Variants in ITGA4 observed in about 807,000 individuals in gnomAD.
The protein encoded by ITGA4 is integrin subunit alpha 4, also known as integrin alpha-4.
A neutral mutation model predicts 133.6 loss-of-function variants in ITGA4; 63 were observed. That is an observed-to-expected ratio of 0.47 (90% CI 0.38 to 0.58). The LOEUF (loss-of-function observed/expected upper bound fraction) is 0.58, where lower values mean the gene tolerates loss of function less well. ITGA4 is among the 20% of genes least tolerant of loss of function. ITGA4 has a pLI of 0.00. For synonymous variants in ITGA4, 483 were observed against 438.0 expected (o/e 1.10, Z -1.28); for missense variants, 1,076 against 1,252.7 (o/e 0.86, Z 2.13).
Position 181,495,565 on chromosome 2 carries a change from C to A in ITGA4, c.1385+149C>A. 1 of 729,696 alleles carries A rather than the reference C, an allele frequency of 1.4e-6. No individual in the cohort carries two copies. Among genetic ancestry groups the A allele is most frequent in the Non-Finnish European group, 2.3e-6 (1 of 433,944 alleles). 45.2% of individuals were successfully genotyped at this position (729,696 alleles called of 1,614,324 possible). ...TTATTGATTTTTAGGGTATTTTTTT[C>A]ACCTTACAGAGATATAATTAAATCA... On this transcript the variant is annotated intron_variant, in intron 13 of 27. Coordinates refer to ENST00000397033, the MANE Select transcript of ITGA4 (RefSeq NM_000885.6). This position sits in a 1 kb window ranked among gnomAD's most constrained non-coding sequence, Gnocchi z 4.3.
chr2:181,529,221 TATGTA>T (rs1686891476), intron 22 of ITGA4, among the ~76,000 whole-genome samples: 1 of 149,660 alleles, frequency 6.7e-6, no homozygotes, highest in Non-Finnish European at 1.5e-5. Flanking sequence ...ATTTTTAAAA[TATGTA>T]ATGTAACATA....
In ITGA4 at chr2:181,530,569, G is replaced by T. The variant is rs759860360; in HGVS notation, c.2584G>T (p.Ala862Ser). ...CHFENYQRVC[A>S]LEQQKSAMQT... is the part of the protein sequence containing the mutation. Reference sequence around the variant, plus strand: ...CTTTGAAAATTATCAAAGAGTGTGTGCATTAGAGCAGCAAAAGAGTGCAAT... The same window carrying T: ...CTTTGAAAATTATCAAAGAGTGTGTTCATTAGAGCAGCAAAAGAGTGCAAT... The change falls in exon 24 of 28, where the codon GCA becomes TCA. Residue 862 changes from alanine (A) to serine (S), a missense_variant. By Grantham distance (99) the Ala-to-Ser change is moderately conservative. This residue lies in a region of ITGA4 where 365 missense variants were observed against 421.4 expected (regional missense o/e 0.87). Coordinates refer to ENST00000397033, the MANE Select transcript of ITGA4 (RefSeq NM_000885.6). 1 of 1,612,872 alleles carries T rather than the reference G, an allele frequency of 6.2e-7. No individual in the cohort carries two copies. The highest frequency in any genetic ancestry group is 1.3e-5 in the African/African-American group (1 of 74,876).
intron 15 of ITGA4, among the ~76,000 whole-genome samples, chr2:181,505,312 T>C (rs549328162): frequency 2.6e-5 from 4 of 152,148 alleles, no homozygotes; most frequent in African/African-American, 9.6e-5. Context: ...ATCTTATAAA[T>C]TTTTTTGCCC....
intron 23 of ITGA4, among the ~76,000 whole-genome samples, chr2:181,530,015 G>A (rs1452190614): frequency 1.3e-5 from 2 of 152,160 alleles, no homozygotes; most frequent in Non-Finnish European, 2.9e-5. Flanking sequence ...GAGGATTATA[G>A]CCTTTTTTTA....
Position 181,534,858 on chromosome 2 carries a change from T to C in ITGA4, c.2926T>C (p.Phe976Leu). Residue 976 changes from phenylalanine to leucine, a missense_variant, in exon 27 of 28, where the codon TTC becomes CTC. Phe to Leu is a conservative substitution (Grantham distance 22, BLOSUM62 0). Coordinates refer to ENST00000397033, the MANE Select transcript of ITGA4 (RefSeq NM_000885.6). ...ACATCATCAAAGACCCAAACGTTAT[T>C]TCACCATAGTGATTATTTCAAGTAG... ...GLHHQRPKRY[F>L]TIVIISSSLL... is the part of the protein sequence containing the mutation. 6.2e-7 allele frequency: 1 copy of C among 1,602,660 alleles called. No individual in the cohort carries two copies. Among genetic ancestry groups the C allele is most frequent in the Non-Finnish European group, 8.5e-7 (1 of 1,176,286 alleles).
intron 2 of ITGA4, among the ~76,000 whole-genome samples, chr2:181,465,392 C>T (rs1324889126): frequency 6.6e-6 from 1 of 152,094 alleles, no homozygotes; most frequent in African/African-American, 2.4e-5. Flanking sequence ...TCCTGACCTC[C>T]TTTAATTCTT....
intron 1 of ITGA4, 131 bp downstream of exon 1, chr2:181,457,982 C>T: frequency 1.8e-6 from 2 of 1,140,546 alleles, no homozygotes; most frequent in Non-Finnish European, 2.4e-6. Context: ...CGAGAGCCAG[C>T]TCGCTGGAAA....
At chr2:181,530,492 G>T in intron 23 of ITGA4, 32 bp from the exon 24 acceptor site, 1 of 1,588,784 alleles carries the variant, frequency 6.3e-7, no homozygotes, top group African/African-American at 1.3e-5. Flanking sequence ...AGTGTTGAAA[G>T]ATAAGATTTC....
intron 2 of ITGA4, among the ~76,000 whole-genome samples, chr2:181,467,674 T>G (rs946304978): frequency 1.3e-5 from 2 of 152,170 alleles, no homozygotes; most frequent in Non-Finnish European, 2.9e-5. Flanking sequence ...TTTGCTATAT[T>G]TTATATATTT....
intron 21 of ITGA4, 79 bp downstream of exon 21, chr2:181,525,370 G>T (rs1686811997): frequency 4.2e-6 from 3 of 718,614 alleles, no homozygotes; most frequent in East Asian, 2.7e-5. Flanking sequence ...TGAAAAAACT[G>T]TATTCTAGAA....
chr2:181,485,482 A>G (rs1287211498), intron 9 of ITGA4, among the ~76,000 whole-genome samples: 2 of 151,486 alleles, frequency 1.3e-5, no homozygotes, highest in African/African-American at 4.9e-5. Flanking sequence ...AGCCTTCCCT[A>G]TAACTGTGGG....
chr2:181,475,345 T>A (rs1574382458), intron 4 of ITGA4, 57 bp downstream of exon 4: 1 of 1,366,646 alleles, frequency 7.3e-7, no homozygotes, highest in Non-Finnish European at 1.0e-6. Context: ...TACCTTTTAG[T>A]GTTTTAAATT....
rs1419560439 is a variant in ITGA4, at chr2:181,523,123, T to G, written c.2074-314T>G. Among the ~76,000 whole-genome samples, 1 of 152,020 alleles carries G rather than the reference T, an allele frequency of 6.6e-6. No individual in the cohort carries two copies. Among genetic ancestry groups the G allele is most frequent in the Non-Finnish European group, 1.5e-5 (1 of 67,980 alleles). On this transcript the variant is annotated intron_variant, in intron 18 of 27. Transcript: ENST00000397033. The surrounding 1 kb of genome is among the most constrained non-coding windows in gnomAD (Gnocchi z 4.2). ...AAGCTACAAGTCCAGAATTTTTTTT[T>G]TGTGGAGAATCTGTTTGAATACTAG...
At chr2:181,490,690 G>A (rs188525448) in intron 10 of ITGA4, among the ~76,000 whole-genome samples, 6 of 152,208 alleles carry the variant, frequency 3.9e-5, no homozygotes, top group Admixed American at 2.6e-4. Flanking sequence ...CAACATCCTG[G>A]CTCTGTCACC....
At chr2:181,522,087 T>C (rs1686732392) in intron 17 of ITGA4, 104 bp from the exon 18 acceptor site, 1 of 570,482 alleles carries the variant, frequency 1.8e-6, no homozygotes, top group Non-Finnish European at 2.8e-6. Flanking sequence ...AAAATTAGTA[T>C]TTTATGTTCA....
chr2:181,505,182 C>G (rs1174314009), intron 15 of ITGA4, among the ~76,000 whole-genome samples: 2 of 152,016 alleles, frequency 1.3e-5, no homozygotes, highest in Non-Finnish European at 2.9e-5. Context: ...ATTTGTGGAA[C>G]ATAGATTGTG....
intron 9 of ITGA4, among the ~76,000 whole-genome samples, 183 bp from the exon 10 acceptor site, chr2:181,485,698 T>C (rs1685898841): frequency 1.3e-5 from 2 of 152,228 alleles, no homozygotes; most frequent in Admixed American, 6.5e-5. Context: ...CATACTATTA[T>C]GTGTTGACAG....
At chr2:181,534,782 GGTTTTT>G in intron 26 of ITGA4, 28 bp from the exon 27 acceptor site, 1 of 1,317,622 alleles carries the variant, frequency 7.6e-7, no homozygotes, top group Non-Finnish European at 1.0e-6. Context: ...TTTTTTTTTT[GGTTTTT>G]GAGTTTTATT....
chr2:181,535,612 A>C lies in ITGA4; in HGVS notation c.*85A>C. 2 of 1,475,832 alleles carry C rather than the reference A, an allele frequency of 1.4e-6. No homozygotes were observed. The highest frequency in any genetic ancestry group is 1.8e-6 in the Non-Finnish European group (2 of 1,110,370). 91.4% of individuals were successfully genotyped at this position (1,475,832 alleles called of 1,614,324 possible). ...AAGACACTGTTTACAAGAAAAAATG[A>C]ATTTTGTTTGGACTTCTTTTACTCA... On this transcript the variant is annotated 3_prime_UTR_variant, in exon 28 of 28. Transcript: ENST00000397033.
Sources: gnomAD v4.1 joint callset for allele counts (sites outside exome capture counted in the v4.1 genomes callset) on GRCh38, gnomAD v4.1.1 for gene constraint, gnomAD v4.1.1 regional missense constraint, Gnocchi (gnomAD v3.1) non-coding constraint, MANE v1.5 for transcripts, NCBI Gene and HGNC (gene_info 2026-07-23, HGNC 2026-07-21) for gene names.